ABTB2: variants seen among roughly 807,000 people sequenced by gnomAD.
ABTB2 encodes ankyrin repeat and BTB domain containing 2.
In ABTB2, 56 loss-of-function variants were observed where a neutral mutation model predicts 104.1. That is an observed-to-expected ratio of 0.54 (90% CI 0.43 to 0.67). The LOEUF (loss-of-function observed/expected upper bound fraction) is 0.67. Ranked by LOEUF, ABTB2 falls within the 30% of genes least tolerant of loss-of-function variation. ABTB2 has a pLI of 0.00. For synonymous variants in ABTB2, 606 were observed against 608.2 expected, an observed-to-expected ratio of 1.00 and a Z score of 0.05; for missense variants, 1,279 against 1,407.7, an observed-to-expected ratio of 0.91 and a Z score of 1.46.
chr11:34,173,097 G>A, intron 4 of ABTB2, 58 bp downstream of exon 4: 1 of 1,607,016 alleles, frequency 6.2e-7, no homozygotes, highest in East Asian at 2.2e-5. Flanking sequence ...GCGAGCAGAG[G>A]GGAGCCGCTG....
intron 3 of ABTB2, among the ~76,000 whole-genome samples, chr11:34,175,136 C>T (rs755361139): frequency 5.9e-5 from 9 of 152,368 alleles, no homozygotes; most frequent in Non-Finnish European, 1.0e-4. Flanking sequence ...GGGCTGCCCT[C>T]GGAACCCCTA....
At chr11:34,167,403 G>GC in intron 6 of ABTB2, 43 bp from the exon 7 acceptor site, 1 of 1,522,374 alleles carries the variant, frequency 6.6e-7, no homozygotes, top group Non-Finnish European at 9.0e-7. Context: ...GGGCACCCGA[G>GC]CGAAGGGAGT....
Position 34,170,901 on chromosome 11 carries a change from C to T in ABTB2, c.1563+5G>A, listed in dbSNP as rs558959977. 72 of 1,612,554 alleles carry T rather than the reference C, an allele frequency of 4.5e-5. 1 individual carries two copies. The highest frequency in any genetic ancestry group is 3.7e-4 in the South Asian group (34 of 90,866). ...GCCTGTCTTTGTGGAGCTCTCAGGA[C>T]GTACCTGGTCATCCATGGTGTTAAC... On this transcript the variant is annotated splice_donor_5th_base_variant and intron_variant, in intron 5 of 16. Transcript: ENST00000435224.
At chr11:34,300,179 A>C (rs1057117038) in intron 1 of ABTB2, among the ~76,000 whole-genome samples, 1 of 152,202 alleles carries the variant, frequency 6.6e-6, no homozygotes, top group Non-Finnish European at 1.5e-5. Context: ...CTCAGCATGA[A>C]TACCCTCCAT....
chr11:34,303,054 G>A (rs769045548), intron 1 of ABTB2, among the ~76,000 whole-genome samples: 4 of 152,130 alleles, frequency 2.6e-5, no homozygotes, highest in Non-Finnish European at 5.9e-5. Context: ...TTGATTTTAG[G>A]CAGAGGCCAC....
At chr11:34,288,226 C>T (rs1854527838) in intron 1 of ABTB2, among the ~76,000 whole-genome samples, 1 of 152,168 alleles carries the variant, frequency 6.6e-6, no homozygotes, top group African/African-American at 2.4e-5. Flanking sequence ...TTACAGTGAA[C>T]ACCTTTATAA....
intron 1 of ABTB2, among the ~76,000 whole-genome samples, chr11:34,341,633 C>T (rs1855263188): frequency 6.6e-6 from 1 of 152,082 alleles, no homozygotes; most frequent in African/African-American, 2.4e-5. Context: ...AATTTGAATA[C>T]ATTTAAATAT....
At chr11:34,166,868 T>G (rs1225414933) in intron 7 of ABTB2, among the ~76,000 whole-genome samples, 3 of 152,030 alleles carry the variant, frequency 2.0e-5, no homozygotes, top group Admixed American at 2.0e-4. Context: ...CCCCATGATA[T>G]AGAGTTGGCC....
chr11:34,175,510 C>CT (rs1243881669), intron 3 of ABTB2, among the ~76,000 whole-genome samples: 2 of 152,176 alleles, frequency 1.3e-5, no homozygotes, highest in African/African-American at 4.8e-5. Context: ...GAAGTAGTTT[C>CT]TACTAAATGC....
intron 14 of ABTB2, 66 bp downstream of exon 14, chr11:34,159,230 C>T: frequency 7.9e-7 from 1 of 1,270,554 alleles, no homozygotes; most frequent in Non-Finnish European, 1.1e-6. Flanking sequence ...GCACAGCTGC[C>T]CACAAGGTGG....
At chr11:34,343,151 T>G (rs1416324566) in intron 1 of ABTB2, among the ~76,000 whole-genome samples, 1 of 151,930 alleles carries the variant, frequency 6.6e-6, no homozygotes, top group Non-Finnish European at 1.5e-5. Context: ...TTGCTCCCAT[T>G]TTAGATCTAG....
At position 34,197,432 on chromosome 11, in the gene ABTB2, C is replaced by A. The variant is rs1262195293; in HGVS notation, c.1137G>T (p.Trp379Cys). The A allele has an allele frequency of 1.2e-6, 2 of 1,606,260 alleles. No homozygotes were observed. Among genetic ancestry groups the A allele is most frequent in the Admixed American group, 3.4e-5 (2 of 59,470 alleles). ...QARQPPQPIT[W>C]SPDALHTLYY... ...AGAGCGTGTGGAGGGCGTCGGGGGACCAAGTGATGGGCTGTGGCGGCTGGC... is the reference window on the plus strand; with the variant it reads ...AGAGCGTGTGGAGGGCGTCGGGGGAACAAGTGATGGGCTGTGGCGGCTGGC... Residue 379 changes from tryptophan to cysteine, a missense_variant, in exon 3 of 17, where the codon TGG becomes TGT. By Grantham distance (215) the Trp-to-Cys change is radical. Coordinates refer to ENST00000435224, the MANE Select transcript of ABTB2 (RefSeq NM_145804.3).
intron 1 of ABTB2, among the ~76,000 whole-genome samples, chr11:34,278,100 G>A (rs1854407108): frequency 1.3e-5 from 2 of 151,778 alleles, no homozygotes; most frequent in African/African-American, 4.8e-5. Flanking sequence ...ACTGCGCCTG[G>A]CTCAGATTCT....
intron 1 of ABTB2, among the ~76,000 whole-genome samples, chr11:34,266,995 T>C (rs1000126027): frequency 6.7e-6 from 1 of 148,694 alleles, no homozygotes; most frequent in African/African-American, 2.5e-5. Flanking sequence ...CAAAAGCTTT[T>C]TCCTTTTTGT....
chr11:34,320,715 TAC>T (rs1854990095), intron 1 of ABTB2, among the ~76,000 whole-genome samples: 1 of 152,154 alleles, frequency 6.6e-6, no homozygotes, highest in African/African-American at 2.4e-5. Flanking sequence ...CTCTAGAACA[TAC>T]CAGACTAACT....
chr11:34,152,645 AC>A, intron 16 of ABTB2, 61 bp from the exon 17 acceptor site: 1 of 1,475,164 alleles, frequency 6.8e-7, no homozygotes, highest in Non-Finnish European at 9.3e-7. Context: ...ACTCACCCTC[AC>A]CCCCAAATAC....
intron 1 of ABTB2, among the ~76,000 whole-genome samples, chr11:34,242,745 T>C (rs1353891840): frequency 6.6e-6 from 1 of 152,132 alleles, no homozygotes; most frequent in East Asian, 1.9e-4. Flanking sequence ...CACAGGATGA[T>C]GTCTCCTGGG....
At chr11:34,170,874 G>T in intron 5 of ABTB2, 32 bp downstream of exon 5, 2 of 1,600,932 alleles carry the variant, frequency 1.2e-6, no homozygotes, top group South Asian at 1.1e-5. Context: ...TCTGGTCCTC[G>T]TGCCTGTCTT....
intron 1 of ABTB2, among the ~76,000 whole-genome samples, chr11:34,312,444 A>C (rs1854868002): frequency 6.6e-6 from 1 of 152,184 alleles, no homozygotes; most frequent in Non-Finnish European, 1.5e-5. Context: ...ATTATAAGGG[A>C]TAAACAAGAT....
Sources: allele counts gnomAD v4.1 joint callset (sites outside exome capture counted in the v4.1 genomes callset), GRCh38; gene constraint gnomAD v4.1.1; transcripts MANE v1.5; gene names NCBI Gene and HGNC (gene_info 2026-07-23, HGNC 2026-07-21).